WASF1: variants seen among roughly 807,000 people sequenced by gnomAD.
WASF1 encodes the protein actin-binding protein WASF1.
A neutral mutation model predicts 50.5 loss-of-function variants in WASF1; 7 were observed. The ratio of observed to expected loss-of-function variants is 0.14; its 90% CI spans 0.08 to 0.26. WASF1 has a LOEUF of 0.26. Ranked by LOEUF, WASF1 falls within the 10% of genes least tolerant of loss-of-function variation. WASF1 has a pLI of 1.00. For synonymous variants in WASF1, 205 were observed against 244.0 expected, an observed-to-expected ratio of 0.84 and a Z score of 1.49; for missense variants, 470 against 694.7, an observed-to-expected ratio of 0.68 and a Z score of 3.64.
At chr6:110,108,159 A>AG (rs1168102319) in intron 6 of WASF1, among the ~76,000 whole-genome samples, 29 of 151,018 alleles carry the variant, frequency 1.9e-4, no homozygotes, top group Non-Finnish European at 3.7e-4. Flanking sequence ...AAAAAAAAAA[A>AG]AAGAGTAGAC....
intron 4 of WASF1, among the ~76,000 whole-genome samples, chr6:110,124,235 C>CTCCTCTCTCT (rs1554201262): frequency 9.1e-5 from 1 of 11,028 alleles, no homozygotes; most frequent in African/African-American, 3.0e-4. Context: ...TCCTCTCTCT[C>CTCCTCTCTCT]CTCTCTCTCT....
chr6:110,153,700 T>TC (rs1213335644), intron 3 of WASF1, among the ~76,000 whole-genome samples: 1 of 151,884 alleles, frequency 6.6e-6, no homozygotes, highest in Non-Finnish European at 1.5e-5. Flanking sequence ...GCTCAGAAGT[T>TC]CGAGACCAGC....
At chr6:110,121,513 T>A (rs1043327119) in intron 4 of WASF1, among the ~76,000 whole-genome samples, 1 of 152,088 alleles carries the variant, frequency 6.6e-6, no homozygotes, top group East Asian at 1.9e-4. Flanking sequence ...AGAATGGTGA[T>A]CATTAAAAAG....
At chr6:110,123,238 A>T (rs1449912540) in intron 4 of WASF1, among the ~76,000 whole-genome samples, 1 of 152,118 alleles carries the variant, frequency 6.6e-6, no homozygotes, top group East Asian at 1.9e-4. Context: ...AGAACCCAAG[A>T]TTCATCAAAG....
chr6:110,112,885 T>C (rs1466653127), intron 5 of WASF1, among the ~76,000 whole-genome samples: 1 of 142,126 alleles, frequency 7.0e-6, no homozygotes, highest in Non-Finnish European at 1.5e-5. Flanking sequence ...AGTGACAGAG[T>C]GTCTGTCTCA....
intron 4 of WASF1, among the ~76,000 whole-genome samples, chr6:110,116,712 A>T (rs1773828157): frequency 6.6e-6 from 1 of 152,162 alleles, no homozygotes; most frequent in Admixed American, 6.5e-5. Context: ...GAACGGACAG[A>T]CTGCCTCCTC....
intron 4 of WASF1, among the ~76,000 whole-genome samples, chr6:110,120,615 G>T (rs1774062327): frequency 6.6e-6 from 1 of 152,050 alleles, no homozygotes; most frequent in Non-Finnish European, 1.5e-5. Context: ...TACTACCCAA[G>T]GTAATTTATA....
Position 110,109,556 on chromosome 6 carries a change from T to TC in WASF1, c.269-876_269-875insG, listed in dbSNP as rs1346314992. 2.7e-3 allele frequency among the ~76,000 whole-genome samples: 411 copies of TC among 150,550 alleles called. 1 individual carries two copies. Among genetic ancestry groups the TC allele is most frequent in the South Asian group, 4.0e-3 (19 of 4,750 alleles). Reference sequence around the variant, plus strand: ...AGTATAACAATCCTAACAATTCTTTTTTTTTTTTTTTTTGAGACAGAGTCT... The same window carrying TC: ...AGTATAACAATCCTAACAATTCTTTTCTTTTTTTTTTTTTGAGACAGAGTCT... On this transcript the variant is annotated intron_variant, in intron 5 of 10. Coordinates refer to ENST00000392589, the MANE Select transcript of WASF1 (RefSeq NM_003931.3).
intron 4 of WASF1, among the ~76,000 whole-genome samples, chr6:110,115,430 T>A (rs1195345948): frequency 6.6e-6 from 1 of 151,860 alleles, no homozygotes; most frequent in Non-Finnish European, 1.5e-5. Context: ...ACAATGAGAA[T>A]CCTTTTTCTG....
chr6:110,134,889 T>C (rs1195849280), intron 3 of WASF1, among the ~76,000 whole-genome samples: 1 of 152,212 alleles, frequency 6.6e-6, no homozygotes, highest in African/African-American at 2.4e-5. Flanking sequence ...TGGGAGTTTT[T>C]TTTCTAGTTC....
At chr6:110,150,273 A>G (rs1440039344) in intron 3 of WASF1, among the ~76,000 whole-genome samples, 1 of 152,248 alleles carries the variant, frequency 6.6e-6, no homozygotes, top group Non-Finnish European at 1.5e-5. Flanking sequence ...AATATGTAAC[A>G]GAAAATGTAA....
chr6:110,124,274 C>CTCTCTATA (rs1331534646), intron 4 of WASF1, among the ~76,000 whole-genome samples: 8 of 20,500 alleles, frequency 3.9e-4, no homozygotes, highest in East Asian at 2.7e-3. Context: ...CTCTCTCTCT[C>CTCTCTATA]TATATATATA....
chr6:110,119,179 G>A (rs976953733), intron 4 of WASF1, among the ~76,000 whole-genome samples: 17 of 152,138 alleles, frequency 1.1e-4, no homozygotes, highest in African/African-American at 4.1e-4. Flanking sequence ...CAGAAGGCAA[G>A]AGATAACTAA....
intron 4 of WASF1, among the ~76,000 whole-genome samples, chr6:110,117,057 A>G (rs1470842565): frequency 6.7e-6 from 1 of 150,004 alleles, no homozygotes; most frequent in South Asian, 2.1e-4. Context: ...GGGAGAAACC[A>G]GAGCAGAAAA....
chr6:110,141,903 C>T (rs1775258075), intron 3 of WASF1, among the ~76,000 whole-genome samples: 1 of 151,888 alleles, frequency 6.6e-6, no homozygotes, highest in Non-Finnish European at 1.5e-5. Context: ...TCCTGAGTAG[C>T]TGGGATTACA....
At chr6:110,110,380 G>A (rs1460431153) in intron 5 of WASF1, among the ~76,000 whole-genome samples, 2 of 152,182 alleles carry the variant, frequency 1.3e-5, no homozygotes, top group Non-Finnish European at 2.9e-5. Context: ...AGTGGGTTGT[G>A]TTTTCTGCAG....
chr6:110,123,890 T>C (rs906699547), intron 4 of WASF1, among the ~76,000 whole-genome samples: 1 of 152,138 alleles, frequency 6.6e-6, no homozygotes, highest in African/African-American at 2.4e-5. Flanking sequence ...GAACTGACTA[T>C]ATTCCATAAG....
At chr6:110,171,733 G>A (rs1029130266) in intron 2 of WASF1, among the ~76,000 whole-genome samples, 2 of 152,082 alleles carry the variant, frequency 1.3e-5, no homozygotes, top group African/African-American at 2.4e-5. Context: ...ACTACCATCA[G>A]AGCGAACAGG....
At chr6:110,129,720 T>A (rs78570477) in intron 3 of WASF1, among the ~76,000 whole-genome samples, 5,145 of 152,310 alleles carry the variant, frequency 0.034, 100 homozygotes, top group Middle Eastern at 0.051. Context: ...AAACTGCCTT[T>A]GATAAGTTTT....
Sources: gnomAD v4.1 joint callset for allele counts (sites outside exome capture counted in the v4.1 genomes callset) on GRCh38, gnomAD v4.1.1 for gene constraint, MANE v1.5 for transcripts, NCBI Gene and HGNC (gene_info 2026-07-23, HGNC 2026-07-21) for gene names.